The following GALC variants were observed in gnomAD, a reference collection of about 807,000 sequenced individuals.
GALC encodes the protein galactosylceramidase.
GALC carries 77 observed loss-of-function variants against 91.8 expected under a neutral mutation model. The observed-to-expected ratio is 0.84, with a 90% confidence interval of 0.70 to 1.01. The LOEUF is 1.01. GALC is among the 50% of genes least tolerant of loss of function. The pLI is 0.00. For missense variants in GALC, 882 were observed against 855.9 expected (o/e 1.03, Z -0.38); for synonymous variants, 357 against 306.7 (o/e 1.16, Z -1.71).
At chr14:87,941,348 C>A in intron 15 of GALC, 47 bp downstream of exon 15, 1 of 1,185,698 alleles carries the variant, frequency 8.4e-7, no homozygotes, top group Non-Finnish European at 1.2e-6. Flanking sequence ...CTCAAAGTAA[C>A]ATAGCCCATA....
At position 87,984,548 on chromosome 14, in the gene GALC, G is replaced by C. The variant is rs767233144; in HGVS notation, c.443-15C>G. Reference sequence around the variant, plus strand: ...CCATGGCAACCCTGCAGAGAGAAGGGAGGAGGCAAAGGTAGAGGAGGTATA... The same window carrying C: ...CCATGGCAACCCTGCAGAGAGAAGGCAGGAGGCAAAGGTAGAGGAGGTATA... On this transcript the variant is annotated splice_polypyrimidine_tract_variant and intron_variant, in intron 4 of 16. Coordinates refer to ENST00000261304, the MANE Select transcript of GALC (RefSeq NM_000153.4). The C allele has an allele frequency of 1.3e-5, 21 of 1,613,976 alleles. No homozygotes were observed. The highest frequency in any genetic ancestry group is 1.5e-5 in the Non-Finnish European group (18 of 1,179,980).
intron 1 of GALC, among the ~76,000 whole-genome samples, chr14:87,989,800 A>G (rs77459457): frequency 0.11 from 17,191 of 152,216 alleles, 1,140 homozygotes; most frequent in Non-Finnish European, 0.16. Context: ...AAACTCTTCC[A>G]TGTAAACATG....
At chr14:87,969,588 G>A (rs1004899254) in intron 7 of GALC, among the ~76,000 whole-genome samples, 3 of 152,124 alleles carry the variant, frequency 2.0e-5, no homozygotes, top group Non-Finnish European at 4.4e-5. Flanking sequence ...CTACTTTTTA[G>A]TTTAAAAATT....
chr14:87,935,668 A>G (rs1186001436), intron 16 of GALC, among the ~76,000 whole-genome samples: 1 of 152,074 alleles, frequency 6.6e-6, no homozygotes, highest in Non-Finnish European at 1.5e-5. Context: ...GCACATATTC[A>G]CAGCATACTA....
rs1482888449 is a variant in GALC, at chr14:87,968,445, A to G, written c.798T>C (p.Thr266=). 1.2e-6 allele frequency: 2 copies of G among 1,613,878 alleles called. No individual in the cohort carries two copies. Among genetic ancestry groups the G allele is most frequent in the Non-Finnish European group, 1.7e-6 (2 of 1,179,896 alleles). ...CTTCAGAAGACCAAAGCTTCTTCCC[A>G]GTCAACTTTGCATCTTTTGCTGAAT... The part of the protein sequence containing the change: ...GTHSAKDAKL[T]GKKLWSSEDF... The change falls in exon 8 of 17, where the codon ACT becomes ACC. Residue 266 remains threonine, a synonymous_variant. Transcript: ENST00000261304.
chr14:87,945,146 A>T (rs1885015113), intron 14 of GALC, among the ~76,000 whole-genome samples: 1 of 151,916 alleles, frequency 6.6e-6, no homozygotes, highest in Non-Finnish European at 1.5e-5. Context: ...TAATAAGGCT[A>T]AGACGGTGTA....
chr14:87,960,224 A>G (rs1263060796), intron 10 of GALC, among the ~76,000 whole-genome samples: 1 of 151,404 alleles, frequency 6.6e-6, no homozygotes, highest in Non-Finnish European at 1.5e-5. Context: ...ACAGATGCAG[A>G]GAGTAGAACA....
At chr14:87,953,535 A>C in intron 10 of GALC, 3 of 1,609,162 alleles carry the variant, frequency 1.9e-6, no homozygotes. Flanking sequence ...CTGAAGATGA[A>C]CTGCCACCAA....
chr14:87,953,282 C>T (rs1885386461), intron 10 of GALC: 13 of 1,489,532 alleles, frequency 8.7e-6, no homozygotes, highest in Middle Eastern at 2.4e-4. Context: ...GGGCGGAGTC[C>T]TATAAATAAA....
Position 87,950,689 on chromosome 14 carries a change from T to C in GALC, c.1221A>G (p.Gln407=), listed in dbSNP as rs747714175. 5.0e-6 allele frequency: 8 copies of C among 1,607,368 alleles called. No individual in the cohort carries two copies. The highest frequency in any genetic ancestry group is 3.3e-4 in the Middle Eastern group (2 of 6,062). ...PFLPYFNVSQ[Q]FATFVLKGSF... ...ATCCCTTAAGAACAAAGGTGGCAAA[T>C]TGTTGTGACACATTGAAATAAGGAA... Residue 407 remains glutamine, a synonymous_variant, in exon 11 of 17, where the codon CAA becomes CAG. Coordinates refer to ENST00000261304, the MANE Select transcript of GALC (RefSeq NM_000153.4).
At chr14:87,944,493 G>C (rs1403423422) in intron 14 of GALC, among the ~76,000 whole-genome samples, 2 of 151,782 alleles carry the variant, frequency 1.3e-5, no homozygotes, top group African/African-American at 4.8e-5. Flanking sequence ...TACCATAACT[G>C]GAAAATCTAG....
chr14:87,949,796 T>C, intron 12 of GALC, 49 bp downstream of exon 12: 1 of 880,484 alleles, frequency 1.1e-6, no homozygotes. Flanking sequence ...GCCCTTTTAC[T>C]GTTTTACTGT....
At chr14:87,954,959 A>G in intron 10 of GALC, 1 of 1,478,018 alleles carries the variant, frequency 6.8e-7, no homozygotes, top group Non-Finnish European at 9.4e-7. Flanking sequence ...CTGATAGAGA[A>G]GATTCTTCTC....
chr14:87,962,217 G>A (rs901676901), intron 10 of GALC, among the ~76,000 whole-genome samples: 21 of 152,156 alleles, frequency 1.4e-4, no homozygotes, highest in African/African-American at 5.1e-4. Context: ...GACAGGGAGT[G>A]GGGAGTAGGG....
chr14:87,938,370 G>C (rs1475918882), intron 16 of GALC, among the ~76,000 whole-genome samples: 2 of 151,948 alleles, frequency 1.3e-5, no homozygotes, highest in Non-Finnish European at 2.9e-5. Context: ...CAGGTGGTCA[G>C]GTAAGAAAAC....
chr14:87,941,424 T>C lies in GALC; in HGVS notation c.1805A>G (p.Asn602Ser), dbSNP rs2139941292. 1.9e-6 allele frequency: 3 copies of C among 1,608,356 alleles called. No individual in the cohort carries two copies. The highest frequency in any genetic ancestry group is 1.3e-5 in the African/African-American group (1 of 74,714). The change falls in exon 15 of 17, where the codon AAT becomes AGT. Residue 602 changes from asparagine to serine, a missense_variant. Transcript: ENST00000261304. ...ATCACCTGTAACCCTGTAAGATCCATTTGCAAAAATCCAGAAGAAAATTCC... is the reference window on the plus strand; with the variant it reads ...ATCACCTGTAACCCTGTAAGATCCACTTGCAAAAATCCAGAAGAAAATTCC... ...ARGIFFWIFANGSYRVTGDLA... is the reference protein window; with the variant it reads ...ARGIFFWIFASGSYRVTGDLA...
chr14:87,965,200 TATC>T (rs1384970791), intron 9 of GALC, among the ~76,000 whole-genome samples: 11 of 152,172 alleles, frequency 7.2e-5, no homozygotes, highest in East Asian at 3.8e-4. Context: ...TATTAGCAAT[TATC>T]ATCATTTGTA....
intron 10 of GALC, chr14:87,952,773 T>C (rs1420480616): frequency 3.1e-5 from 47 of 1,531,714 alleles, no homozygotes; most frequent in Non-Finnish European, 4.1e-5. Flanking sequence ...CTTTGTACAT[T>C]CTGTTTCTGA....
Position 87,965,684 on chromosome 14 carries a change from T to A in GALC, c.909-55A>T, listed in dbSNP as rs1284818373. ...AGACAACTTGTGATAAAAATGTAAA[T>A]GTCTAAAAACCTGGAGTAAAAAGAC... On this transcript the variant is annotated intron_variant, in intron 8 of 16. Coordinates refer to ENST00000261304, the MANE Select transcript of GALC (RefSeq NM_000153.4). The A allele has an allele frequency of 1.9e-6, 3 of 1,592,532 alleles. No homozygotes were observed. In the African/African-American group the frequency reaches 4.0e-5, roughly 21 times the overall value.
Sources: allele counts gnomAD v4.1 joint callset (sites outside exome capture counted in the v4.1 genomes callset), GRCh38; gene constraint gnomAD v4.1.1; transcripts MANE v1.5; gene names NCBI Gene and HGNC (gene_info 2026-07-23, HGNC 2026-07-21).